The following TBX18 variants were observed in gnomAD, a reference collection of about 807,000 sequenced individuals.
TBX18 encodes the protein T-box transcription factor TBX18.
In TBX18, 21 loss-of-function variants were observed where a neutral mutation model predicts 55.0. The observed-to-expected ratio is 0.38, with a 90% confidence interval of 0.27 to 0.55. TBX18 has a LOEUF of 0.55. Among genes scored for constraint, TBX18 ranks in the 20% least tolerant of loss-of-function variants. TBX18 has a pLI of 0.73. For synonymous variants in TBX18, 342 were observed against 326.1 expected, an observed-to-expected ratio of 1.05 and a Z score of -0.53; for missense variants, 840 against 799.6, an observed-to-expected ratio of 1.05 and a Z score of -0.61.
intron 4 of TBX18, among the ~76,000 whole-genome samples, chr6:84,750,239 C>T (rs1441041852): frequency 6.8e-6 from 1 of 146,518 alleles, no homozygotes; most frequent in African/African-American, 2.6e-5. Context: ...GAGCCGAGAT[C>T]GTGCCACTGC....
At position 84,762,752 on chromosome 6, in the gene TBX18, G is replaced by A; in HGVS notation, c.293-4C>T. ...TGGAAGCCGTCCTCACAGCCGCCTG[G>A]ACAGCAAAGGACAGAGAAAGGGAAC... is the stretch of plus-strand genomic sequence containing the variant. On this transcript the variant is annotated splice_polypyrimidine_tract_variant and splice_region_variant and intron_variant, in intron 1 of 7. Coordinates refer to ENST00000369663, the MANE Select transcript of TBX18 (RefSeq NM_001080508.3). 1 of 1,587,414 alleles carries A rather than the reference G, an allele frequency of 6.3e-7. No homozygotes were observed. Among genetic ancestry groups the A allele is most frequent in the Non-Finnish European group, 8.6e-7 (1 of 1,167,336 alleles).
intron 7 of TBX18, among the ~76,000 whole-genome samples, chr6:84,737,826 T>C (rs1029056274): frequency 1.3e-5 from 2 of 152,186 alleles, no homozygotes; most frequent in South Asian, 2.1e-4. Context: ...TGGTGTTTTA[T>C]ATAGTGTCTC....
rs201157966 is a variant in TBX18 at position 84,764,143 on chromosome 6, T to C, written c.39A>G (p.Leu13=). 6 of 1,559,392 alleles carry C rather than the reference T, an allele frequency of 3.8e-6. No homozygotes were observed. The highest frequency in any genetic ancestry group is 1.9e-5 in the Admixed American group (1 of 53,714). ...CCGAGAAAGCGTGCGCCTTGAGGCT[T>C]AGCATGCTGCACGGCGAGCCCCTTC... The part of the protein sequence containing the change: ...EKRRGSPCSM[L]SLKAHAFSVE... The change falls in exon 1 of 8, where the codon CTA becomes CTG. Residue 13 remains leucine, a synonymous_variant. Transcript: ENST00000369663.
chr6:84,738,692 G>A (rs1356167313), intron 6 of TBX18, 101 bp from the exon 7 acceptor site: 12 of 860,784 alleles, frequency 1.4e-5, no homozygotes, highest in Non-Finnish European at 2.2e-5. Context: ...CACTGATATT[G>A]ACAGTACCCC....
Position 84,737,077 on chromosome 6 carries a change from A to T in TBX18, c.1432T>A (p.Phe478Ile). 1 of 1,614,180 alleles carries T rather than the reference A, an allele frequency of 6.2e-7. No individual in the cohort carries two copies. Among genetic ancestry groups the T allele is most frequent in the Non-Finnish European group, 8.5e-7 (1 of 1,180,016 alleles). Reference sequence around the variant, plus strand: ...GATAAGCTGGTCTGTGGGCAGCTGAAGGTGTCCCCATCAGTGCCACCCATG... The same window carrying T: ...GATAAGCTGGTCTGTGGGCAGCTGATGGTGTCCCCATCAGTGCCACCCATG... Reference protein sequence around the residue: ...MSMGGTDGDTFSCPQTSLSMQ... With the variant: ...MSMGGTDGDTISCPQTSLSMQ... The change falls in exon 8 of 8, where the codon TTC becomes ATC. Residue 478 changes from phenylalanine (F) to isoleucine (I), a missense_variant. By Grantham distance (21) the Phe-to-Ile change is conservative. Transcript: ENST00000369663.
rs975574692 is a variant in TBX18, at chr6:84,735,954, G to C, written c.*731C>G. On this transcript the variant is annotated 3_prime_UTR_variant, in exon 8 of 8. Transcript: ENST00000369663. ...TGATATATAAAATAAGCAAAAAATC[G>C]AAAATACTGGAAATTTGTTCTCTAC... 1 of 151,638 alleles carries C rather than the reference G, an allele frequency of 6.6e-6. No individual in the cohort carries two copies. Among genetic ancestry groups the C allele is most frequent in the South Asian group, 2.1e-4 (1 of 4,800 alleles). 9.4% of individuals were successfully genotyped at this position (151,638 alleles called of 1,614,324 possible).
chr6:84,735,745 A>T lies in TBX18; in HGVS notation c.*940T>A, dbSNP rs1773921560. 6.6e-6 allele frequency: 1 copy of T among 152,200 alleles called. No individual in the cohort carries two copies. The highest frequency in any genetic ancestry group is 2.4e-5 in the African/African-American group (1 of 41,462). The allele number at this position is 152,200 out of a possible 1,614,324, so 9.4% of individuals were successfully genotyped here. A position where few individuals can be genotyped will look rare whatever the true frequency, so the allele number is the denominator to read the frequency against. ...TTCTAAATTTAAAAACAAACTATAC[A>T]AAAACATAAGGTATAGTTAACAATA... On this transcript the variant is annotated 3_prime_UTR_variant, in exon 8 of 8. Coordinates refer to ENST00000369663, the MANE Select transcript of TBX18 (RefSeq NM_001080508.3).
chr6:84,756,622 T>C (rs1370046060), intron 4 of TBX18, 76 bp downstream of exon 4: 4 of 1,364,238 alleles, frequency 2.9e-6, no homozygotes, highest in Non-Finnish European at 4.1e-6. Context: ...CTTAGAAGCA[T>C]TCATTTCCTT....
chr6:84,763,768 A>G (rs1157573850), intron 1 of TBX18, 122 bp downstream of exon 1: 34 of 1,415,746 alleles, frequency 2.4e-5, no homozygotes, highest in Admixed American at 3.1e-5. Flanking sequence ...TGACACGGCC[A>G]ATGCGCTAGT....
intron 4 of TBX18, among the ~76,000 whole-genome samples, chr6:84,754,804 T>C (rs570821821): frequency 6.6e-6 from 1 of 152,272 alleles, no homozygotes; most frequent in South Asian, 2.1e-4. Context: ...GTGGGTAGGC[T>C]TCATCCAATC....
Position 84,748,087 on chromosome 6 carries a change from T to C in TBX18, c.772A>G (p.Ile258Val), listed in dbSNP as rs1767246965. Residue 258 changes from isoleucine to valine, a missense_variant and splice_region_variant, in exon 5 of 8, where the codon ATT becomes GTT. By Grantham distance (29) the Ile-to-Val change is conservative. Coordinates refer to ENST00000369663, the MANE Select transcript of TBX18 (RefSeq NM_001080508.3). ...TNNELDDQGH[I>V]ILHSMHKYQP... The stretch of plus-strand genomic sequence containing the variant: ...TATTTGTGCATAGAATGAAGAATAA[T>C]CTATATCAAAGAAGGAAAAGCTGAA... 2.5e-5 allele frequency: 40 copies of C among 1,597,858 alleles called. No homozygotes were observed. Among genetic ancestry groups the C allele is most frequent in the Non-Finnish European group, 3.3e-5 (39 of 1,169,298 alleles).
chr6:84,751,310 A>C (rs970569106), intron 4 of TBX18, among the ~76,000 whole-genome samples: 1 of 152,196 alleles, frequency 6.6e-6, no homozygotes, highest in Non-Finnish European at 1.5e-5. Flanking sequence ...ATATATTTTA[A>C]GGTTACTTTT....
intron 1 of TBX18, chr6:84,763,276 T>C (rs1767707621): frequency 7.2e-6 from 3 of 416,936 alleles, no homozygotes; most frequent in Non-Finnish European, 1.4e-5. Context: ...AGGCATCTTC[T>C]AGAAGGCTCT....
At chr6:84,738,018 A>G (rs1415317455) in intron 7 of TBX18, among the ~76,000 whole-genome samples, 1 of 152,180 alleles carries the variant, frequency 6.6e-6, no homozygotes, top group Non-Finnish European at 1.5e-5. Flanking sequence ...TCCCTCTGAG[A>G]AGAAATCAGC....
rs1767246117 is a variant in TBX18, at chr6:84,748,064, T to C, written c.795A>G (p.Lys265=). Residue 265 remains lysine (K), a synonymous_variant, in exon 5 of 8, where the codon AAA becomes AAG. Transcript: ENST00000369663. ...GGATGACGTGCACTCGCGGTTGGTA[T>C]TTGTGCATAGAATGAAGAATAATCT... The part of the protein sequence containing the change: ...QGHIILHSMH[K]YQPRVHVIRK... 5 of 1,611,692 alleles carry C rather than the reference T, an allele frequency of 3.1e-6. No individual in the cohort carries two copies. Among genetic ancestry groups the C allele is most frequent in the Non-Finnish European group, 4.2e-6 (5 of 1,178,478 alleles).
intron 5 of TBX18, among the ~76,000 whole-genome samples, 157 bp from the exon 6 acceptor site, chr6:84,744,482 G>A (rs1767129749): frequency 6.6e-6 from 1 of 152,108 alleles, no homozygotes; most frequent in Non-Finnish European, 1.5e-5. Context: ...TAGCAGTAAA[G>A]CTAAGGAAAA....
chr6:84,732,784 T>G lies in TBX18; in HGVS notation c.*3901A>C, dbSNP rs964685753. 6.6e-6 allele frequency: 1 copy of G among 151,510 alleles called. No homozygotes were observed. Among genetic ancestry groups the G allele is most frequent in the East Asian group, 1.9e-4 (1 of 5,186 alleles). The allele number at this position is 151,510 out of a possible 1,614,324, so 9.4% of individuals were successfully genotyped here. ...TAATTCAACAAGTTGAAAATAATACTGATAGTGTTATATTCTTTGTAAAGC... is the reference window on the plus strand; with the variant it reads ...TAATTCAACAAGTTGAAAATAATACGGATAGTGTTATATTCTTTGTAAAGC... On this transcript the variant is annotated 3_prime_UTR_variant, in exon 8 of 8. Transcript: ENST00000369663.
At chr6:84,760,459 T>C (rs7751988) in intron 2 of TBX18, 103 bp from the exon 3 acceptor site, 63 of 655,740 alleles carry the variant, frequency 9.6e-5, no homozygotes, top group Non-Finnish European at 1.4e-4. Context: ...ATTTTTAATA[T>C]GGATAAATTT....
Position 84,737,218 on chromosome 6 carries a change from TGTATCG to T in TBX18, c.1285_1290del (p.Arg429_Tyr430del). 1 of 1,611,560 alleles carries T rather than the reference TGTATCG, an allele frequency of 6.2e-7. No homozygotes were observed. The highest frequency in any genetic ancestry group is 1.1e-5 in the South Asian group (1 of 90,638). On this transcript the variant is annotated inframe_deletion, in exon 8 of 8. Transcript: ENST00000369663. ...TTGTAGGTCTCTGCCAAAGATGTGC[TGTATCG>T]GTTGAGGGTGAGGCCTGAGCGGGCA...
Sources: allele counts gnomAD v4.1 joint callset (sites outside exome capture counted in the v4.1 genomes callset), GRCh38; gene constraint gnomAD v4.1.1; transcripts MANE v1.5; gene names NCBI Gene and HGNC (gene_info 2026-07-23, HGNC 2026-07-21).